Variants in ROBO2 observed in about 807,000 individuals in gnomAD.
ROBO2 encodes roundabout guidance receptor 2.
ROBO2 carries 53 observed loss-of-function variants against 160.8 expected under a neutral mutation model. The ratio of observed to expected loss-of-function variants is 0.33; its 90% confidence interval spans 0.26 to 0.41. The LOEUF (loss-of-function observed/expected upper bound fraction) is 0.41, where lower values mean the gene tolerates loss of function less well. Ranked by LOEUF, ROBO2 falls within the 10% of genes least tolerant of loss-of-function variation. The pLI is 1.00. For synonymous variants in ROBO2, 664 were observed against 611.7 expected, an observed-to-expected ratio of 1.09 and a Z score of -1.26; for missense variants, 1,577 against 1,722.4, an observed-to-expected ratio of 0.92 and a Z score of 1.49.
At chr3:77,522,964 A>G (rs1170085725) in intron 6 of ROBO2, 62 bp downstream of exon 6, 4 of 1,583,066 alleles carry the variant, frequency 2.5e-6, no homozygotes, top group South Asian at 1.1e-5. Context: ...TTAAATTGGT[A>G]AGTGAACTTA....
At chr3:76,776,292 T>A (rs2062251880) in intron 2 of ROBO2, among the ~76,000 whole-genome samples, 1 of 151,030 alleles carries the variant, frequency 6.6e-6, no homozygotes, top group Non-Finnish European at 1.5e-5. Flanking sequence ...GATTGATTTT[T>A]AAAAATTCAA....
Position 76,898,298 on chromosome 3 carries a change from C to A in ROBO2, c.110-199716C>A, listed in dbSNP as rs192746364. On this transcript the variant is annotated intron_variant, in intron 2 of 26. Transcript: ENST00000487694. ...ATTGTAGTACAGTTTTAACACAATT[C>A]AATAGCATAAGACATCCCAAAATTA... is the stretch of plus-strand genomic sequence containing the variant. Among the ~76,000 whole-genome samples, 5 of 152,054 alleles carry A rather than the reference C, an allele frequency of 3.3e-5. No individual in the cohort carries two copies. In the East Asian group the frequency reaches 9.6e-4, roughly 29 times the overall value.
intron 2 of ROBO2, among the ~76,000 whole-genome samples, chr3:77,247,508 CA>C (rs1247813936): frequency 6.6e-6 from 1 of 152,206 alleles, no homozygotes; most frequent in Non-Finnish European, 1.5e-5. Flanking sequence ...TCCATATTCA[CA>C]TCCCAAATAT....
At chr3:75,938,692 A>G (rs1947903744) in intron 2 of ROBO2, among the ~76,000 whole-genome samples, 1 of 152,154 alleles carries the variant, frequency 6.6e-6, no homozygotes, top group Non-Finnish European at 1.5e-5. Context: ...TTTTCTTGCC[A>G]TATGTAATAT....
chr3:76,578,239 C>T (rs1444676590), intron 2 of ROBO2, among the ~76,000 whole-genome samples: 1 of 152,138 alleles, frequency 6.6e-6, no homozygotes, highest in Non-Finnish European at 1.5e-5. Context: ...CACACTGGAA[C>T]ATTAGCTGCT....
At chr3:77,148,487 C>T (rs1374245423) in intron 2 of ROBO2, among the ~76,000 whole-genome samples, 1 of 152,142 alleles carries the variant, frequency 6.6e-6, no homozygotes, top group African/African-American at 2.4e-5. Flanking sequence ...CTTCTTAGTT[C>T]GTATTTCTCA....
chr3:77,050,662 T>C (rs1307967018), intron 1 of ROBO2, among the ~76,000 whole-genome samples: 1 of 151,788 alleles, frequency 6.6e-6, no homozygotes, highest in Admixed American at 6.6e-5. Context: ...AAAACATTTT[T>C]TTTTTTTTGC....
At chr3:77,608,061 C>A in intron 21 of ROBO2, 107 bp downstream of exon 22, 2 of 1,023,108 alleles carry the variant, frequency 2.0e-6, no homozygotes, top group South Asian at 1.4e-5. Context: ...TTGCCCCCCA[C>A]CACCATGTTC....
chr3:77,544,500 C>T (rs1031160793), intron 6 of ROBO2, among the ~76,000 whole-genome samples: 12 of 151,998 alleles, frequency 7.9e-5, no homozygotes, highest in South Asian at 2.1e-4. Context: ...AACTAGGAGG[C>T]GGTATAATAG....
At chr3:76,749,389 A>G (rs2093943493) in intron 2 of ROBO2, among the ~76,000 whole-genome samples, 1 of 151,978 alleles carries the variant, frequency 6.6e-6, no homozygotes, top group African/African-American at 2.4e-5. Context: ...GCATCCTGCT[A>G]TGGGACATGA....
intron 2 of ROBO2, among the ~76,000 whole-genome samples, chr3:77,239,437 C>T (rs932713550): frequency 3.3e-5 from 5 of 152,134 alleles, no homozygotes; most frequent in African/African-American, 1.2e-4. Flanking sequence ...AGTGCGGACC[C>T]AAAGGGTGAG....
intron 2 of ROBO2, among the ~76,000 whole-genome samples, chr3:76,003,278 A>G (rs1291601303): frequency 1.3e-5 from 2 of 152,178 alleles, no homozygotes; most frequent in African/African-American, 4.8e-5. Context: ...CATATTCCTC[A>G]ATATCTCATA....
chr3:76,690,954 A>G (rs570323397), intron 2 of ROBO2, among the ~76,000 whole-genome samples: 8 of 152,196 alleles, frequency 5.3e-5, no homozygotes, highest in African/African-American at 1.7e-4. Context: ...GCATGCTGGC[A>G]TGTATCTGTA....
At chr3:77,342,223 G>C (rs28684430) in intron 2 of ROBO2, among the ~76,000 whole-genome samples, 160 of 152,196 alleles carry the variant, frequency 1.1e-3, no homozygotes, top group Middle Eastern at 3.4e-3. Flanking sequence ...AGAACAGCTG[G>C]ATGCTTTATT....
intron 2 of ROBO2, among the ~76,000 whole-genome samples, chr3:76,512,770 T>C (rs1373224868): frequency 1.3e-5 from 2 of 152,200 alleles, no homozygotes; most frequent in Non-Finnish European, 2.9e-5. Flanking sequence ...ATTTCATGTT[T>C]AGACTTGGGT....
chr3:76,816,257 G>C lies in ROBO2; in HGVS notation c.110-281757G>C, dbSNP rs74715291. Among the ~76,000 whole-genome samples the C allele has an allele frequency of 8.0e-3, 1,216 of 151,902 alleles. 14 individuals carry two copies. Among genetic ancestry groups the C allele is most frequent in the Admixed American group, 0.031 (479 of 15,234 alleles). ...GTGTGGATCGGACGTTTTATTATCAGTGACACTTGAAAGAAGAATGCAATA... is the reference window on the plus strand; with the variant it reads ...GTGTGGATCGGACGTTTTATTATCACTGACACTTGAAAGAAGAATGCAATA... On this transcript the variant is annotated intron_variant, in intron 2 of 26. Coordinates refer to the ROBO2 transcript ENST00000487694.
At chr3:77,613,130 G>T (rs148618602) in intron 21 of ROBO2, among the ~76,000 whole-genome samples, 105 of 152,044 alleles carry the variant, frequency 6.9e-4, no homozygotes, top group African/African-American at 2.5e-3. Flanking sequence ...TAATAAAAAT[G>T]AATTGAGTAC....
chr3:77,560,225 C>T (rs1038788125), intron 9 of ROBO2, among the ~76,000 whole-genome samples: 1 of 152,056 alleles, frequency 6.6e-6, no homozygotes, highest in African/African-American at 2.4e-5. Context: ...TGGGGCTTGT[C>T]TGCAGCCAAG....
intron 2 of ROBO2, among the ~76,000 whole-genome samples, chr3:77,008,655 C>A (rs1031864518): frequency 6.6e-6 from 1 of 152,118 alleles, no homozygotes; most frequent in Non-Finnish European, 1.5e-5. Context: ...ACGTAGATAA[C>A]ACACAGGGTA....
Sources: allele counts gnomAD v4.1 joint callset (sites outside exome capture counted in the v4.1 genomes callset), GRCh38; gene constraint gnomAD v4.1.1; transcripts MANE v1.5; gene names NCBI Gene and HGNC (gene_info 2026-07-23, HGNC 2026-07-21).